Variants in USP8 observed in about 807,000 individuals in gnomAD.
The protein encoded by USP8 is ubiquitin carboxyl-terminal hydrolase 8.
Under a neutral mutation model 130.0 loss-of-function variants are expected in USP8, and 27 were observed. The observed-to-expected ratio is 0.21, with a 90% confidence interval of 0.15 to 0.29. USP8 has a LOEUF of 0.29. Among genes scored for constraint, USP8 ranks in the 10% least tolerant of loss-of-function variants. The probability of loss-of-function intolerance (pLI) is 1.00; values close to 1 mark genes in which losing one functional copy is unlikely to be tolerated. For synonymous variants in USP8, 392 were observed against 444.1 expected, an observed-to-expected ratio of 0.88 and a Z score of 1.48; for missense variants, 1,029 against 1,312.2, an observed-to-expected ratio of 0.78 and a Z score of 3.33.
chr15:50,490,832 C>T (rs932585859), intron 14 of USP8, among the ~76,000 whole-genome samples: 8 of 152,272 alleles, frequency 5.3e-5, no homozygotes, highest in African/African-American at 1.9e-4. Flanking sequence ...CGCCTGTGGT[C>T]CCGGAATCTC....
Position 50,500,480 on chromosome 15 carries a change from C to A in USP8, c.*1392C>A. The A allele has an allele frequency of 3.2e-6, 1 of 311,606 alleles. No individual in the cohort carries two copies. The highest frequency in any genetic ancestry group is 4.7e-5 in the South Asian group (1 of 21,460). The allele number at this position is 311,606 out of a possible 1,614,324, so 19.3% of individuals were successfully genotyped here. On this transcript the variant is annotated 3_prime_UTR_variant, in exon 20 of 20. Coordinates refer to ENST00000307179, the MANE Select transcript of USP8 (RefSeq NM_005154.5). ...ACTGCCTTTTTTAGTGAACCAAGACCCATCTTCTGGACGACAGATTTATCT... is the reference window on the plus strand; with the variant it reads ...ACTGCCTTTTTTAGTGAACCAAGACACATCTTCTGGACGACAGATTTATCT...
In USP8 at chr15:50,481,880, AC is replaced by A; in HGVS notation, c.1620del (p.Ser541GlnfsTer8). On this transcript the variant is annotated frameshift_variant, in exon 11 of 20. Coordinates refer to ENST00000307179, the MANE Select transcript of USP8 (RefSeq NM_005154.5). LOFTEE classifies it high-confidence loss of function. ...SEQAKKEDKE[T>X]SAKRGKEITG... ...ACAGGCCAAGAAAGAAGATAAAGAA[AC>A]CTCAGCAAAGAGGGGCAAAGAAATA... 1 of 1,560,184 alleles carries A rather than the reference AC, an allele frequency of 6.4e-7. No individual in the cohort carries two copies. The highest frequency in any genetic ancestry group is 8.6e-7 in the Non-Finnish European group (1 of 1,159,020).
rs190808677 is a variant in USP8 at position 50,512,380 on chromosome 15, A to T, written c.*13292A>T. 1.6e-4 allele frequency: 24 copies of T among 152,110 alleles called. No homozygotes were observed. In the East Asian group the frequency reaches 4.6e-3, roughly 29 times the overall value. The allele number at this position is 152,110 out of a possible 1,614,324, so 9.4% of individuals were successfully genotyped here. ...AGAGAGTGCACGTGAGAAGACTAGT[A>T]GTTGCTATGGACTGGGGGAGAAGGA... is the stretch of plus-strand genomic sequence containing the variant. On this transcript the variant is annotated 3_prime_UTR_variant, in exon 20 of 20. Transcript: ENST00000307179.
At position 50,502,202 on chromosome 15, in the gene USP8, G is replaced by A. The variant is rs1412163014; in HGVS notation, c.*3114G>A. On this transcript the variant is annotated 3_prime_UTR_variant, in exon 20 of 20. Transcript: ENST00000307179. Reference sequence around the variant, plus strand: ...GGCTCACTGCAACCTCCGCCTCCCAGGTTCAAGCAATTCTTCTGCCTCAGC... The same window carrying A: ...GGCTCACTGCAACCTCCGCCTCCCAAGTTCAAGCAATTCTTCTGCCTCAGC... 2 of 152,250 alleles carry A rather than the reference G, an allele frequency of 1.3e-5. No individual in the cohort carries two copies. Among genetic ancestry groups the A allele is most frequent in the Non-Finnish European group, 2.9e-5 (2 of 68,176 alleles). 9.4% of individuals were successfully genotyped at this position (152,250 alleles called of 1,614,324 possible).
intron 1 of USP8, among the ~76,000 whole-genome samples, chr15:50,427,558 A>AT (rs59709410): frequency 0.01 from 1,103 of 106,504 alleles, 19 homozygotes; most frequent in African/African-American, 0.026. Flanking sequence ...AGCCGTACTA[A>AT]TTTTTTTTTT....
intron 8 of USP8, among the ~76,000 whole-genome samples, chr15:50,475,842 ATCC>A (rs2051550313): frequency 6.6e-6 from 1 of 151,946 alleles, no homozygotes; most frequent in African/African-American, 2.4e-5. Flanking sequence ...ACCTCAGGTG[ATCC>A]TCCCGCCTCG....
intron 1 of USP8, among the ~76,000 whole-genome samples, chr15:50,433,794 AC>A (rs546425579): frequency 1.3e-3 from 193 of 152,016 alleles, no homozygotes; most frequent in African/African-American, 3.9e-3. Flanking sequence ...TTTAGTAGAG[AC>A]GGGGTTTCAC....
intron 3 of USP8, among the ~76,000 whole-genome samples, chr15:50,446,208 G>T (rs1300604921): frequency 1.3e-5 from 2 of 152,126 alleles, no homozygotes; most frequent in Non-Finnish European, 2.9e-5. Context: ...GTAATAATTG[G>T]ATGTTATCTT....
intron 4 of USP8, 30 bp downstream of exon 4, chr15:50,449,515 T>G: frequency 4.4e-6 from 6 of 1,357,600 alleles, no homozygotes; most frequent in Non-Finnish European, 6.0e-6. Context: ...TTTAAAATAA[T>G]GTAAATTTAG....
intron 10 of USP8, among the ~76,000 whole-genome samples, chr15:50,479,427 G>A (rs1209120295): frequency 6.6e-6 from 1 of 152,046 alleles, no homozygotes; most frequent in East Asian, 1.9e-4. Context: ...TTAGAAGGAT[G>A]GACAAGAGTC....
rs958593093 is a variant in USP8 at position 50,506,190 on chromosome 15, G to A, written c.*7102G>A. ...GTTTAGTAGCAGCAAGAACAACAGG[G>A]GAAAACAACACAGCAGAGGTCCCCA... On this transcript the variant is annotated 3_prime_UTR_variant, in exon 20 of 20. Transcript: ENST00000307179. 2 of 152,314 alleles carry A rather than the reference G, an allele frequency of 1.3e-5. No individual in the cohort carries two copies. The highest frequency in any genetic ancestry group is 2.4e-5 in the African/African-American group (1 of 41,408). 9.4% of individuals were successfully genotyped at this position (152,314 alleles called of 1,614,324 possible).
intron 15 of USP8, chr15:50,493,158 C>T (rs1253163004): frequency 1.4e-5 from 8 of 581,440 alleles, no homozygotes; most frequent in South Asian, 7.6e-5. Context: ...AGGACAGACT[C>T]GTCCTGTCGA....
At chr15:50,459,996 C>CATT (rs567135111) in intron 5 of USP8, among the ~76,000 whole-genome samples, 2 of 92,010 alleles carry the variant, frequency 2.2e-5, no homozygotes, top group African/African-American at 4.4e-5. Context: ...CACCCCCCCC[C>CATT]TTTTTTTTTT....
At chr15:50,442,038 G>A (rs986112014) in intron 3 of USP8, among the ~76,000 whole-genome samples, 35 of 143,168 alleles carry the variant, frequency 2.4e-4, no homozygotes, top group African/African-American at 7.1e-4. Flanking sequence ...GTGCAGTGGC[G>A]TGATATCGGC....
Position 50,496,018 on chromosome 15 carries a change from T to C in USP8, c.2829T>C (p.Ser943=). 6.2e-7 allele frequency: 1 copy of C among 1,614,086 alleles called. No individual in the cohort carries two copies. Among genetic ancestry groups the C allele is most frequent in the South Asian group, 1.1e-5 (1 of 91,080 alleles). The change falls in exon 17 of 20, where the codon TCT becomes TCC. Residue 943 remains serine (S), a synonymous_variant. Transcript: ENST00000307179. ...TVQCLTCHKK[S]RTFEAFMYLS... ...AGTGCCTCACATGTCACAAAAAGTC[T>C]AGGACATTTGAGGCCTTCATGTATT...
chr15:50,445,856 C>CAA (rs200962937), intron 3 of USP8, among the ~76,000 whole-genome samples: 8 of 97,418 alleles, frequency 8.2e-5, no homozygotes, highest in South Asian at 3.2e-4. Flanking sequence ...GACTCCGTCT[C>CAA]AAAAAAAAAA....
intron 8 of USP8, among the ~76,000 whole-genome samples, chr15:50,475,685 C>A (rs1189553786): frequency 6.6e-6 from 1 of 152,232 alleles, no homozygotes; most frequent in South Asian, 2.1e-4. Context: ...TCACTGCAAC[C>A]TCCGCCTCTC....
intron 1 of USP8, among the ~76,000 whole-genome samples, chr15:50,431,971 T>C (rs1412069528): frequency 6.6e-6 from 1 of 152,210 alleles, no homozygotes; most frequent in East Asian, 1.9e-4. Context: ...TCCTCCTTTC[T>C]TACCCTGTTC....
rs368601082 is a variant in USP8 at position 50,499,363 on chromosome 15, C to T, written c.*275C>T. 7 of 267,106 alleles carry T rather than the reference C, an allele frequency of 2.6e-5. No homozygotes were observed. In the East Asian group the frequency reaches 3.3e-4, roughly 13 times the overall value. The allele number at this position is 267,106 out of a possible 1,614,324, so 16.5% of individuals were successfully genotyped here. On this transcript the variant is annotated 3_prime_UTR_variant, in exon 20 of 20. Coordinates refer to ENST00000307179, the MANE Select transcript of USP8 (RefSeq NM_005154.5). ...AATTAACTAGCTAAGCATTATTATT[C>T]GACTGGTCTAAAAACTATTGTTATC...
Sources: allele counts gnomAD v4.1 joint callset (sites outside exome capture counted in the v4.1 genomes callset), GRCh38; gene constraint gnomAD v4.1.1; transcripts MANE v1.5; gene names NCBI Gene and HGNC (gene_info 2026-07-23, HGNC 2026-07-21).